MACF1: variants seen among roughly 807,000 people sequenced by gnomAD.
The protein encoded by MACF1 is microtubule actin crosslinking factor 1.
In MACF1, 193 loss-of-function variants were observed where a neutral mutation model predicts 854.8. The observed-to-expected ratio is 0.23, with a 90% confidence interval of 0.20 to 0.25. The LOEUF (loss-of-function observed/expected upper bound fraction) is 0.25. Among genes scored for constraint, MACF1 ranks in the 10% least tolerant of loss-of-function variants. The probability of loss-of-function intolerance (pLI) is 1.00; values close to 1 mark genes in which losing one functional copy is unlikely to be tolerated. For synonymous variants in MACF1, 3,185 were observed against 3,226.7 expected (o/e 0.99, Z 0.44); for missense variants, 7,722 against 8,929.1 (o/e 0.86, Z 5.45).
upstream of MACF1, among the ~76,000 whole-genome samples, chr1:39,203,912 A>G (rs1338736972): frequency 1.3e-5 from 2 of 152,144 alleles, no homozygotes; most frequent in Non-Finnish European, 2.9e-5. Flanking sequence ...ACATTCATAT[A>G]CAGGTCTTTG....
chr1:39,164,146 G>A (rs1167136643), intron 2 of MACF1, among the ~76,000 whole-genome samples: 2 of 152,034 alleles, frequency 1.3e-5, no homozygotes, highest in African/African-American at 2.4e-5. Flanking sequence ...CTCCAGTAGC[G>A]GGGCATGTAC....
chr1:39,202,596 C>T (rs1404594162), upstream of MACF1, among the ~76,000 whole-genome samples: 1 of 151,728 alleles, frequency 6.6e-6, no homozygotes, highest in African/African-American at 2.4e-5. Flanking sequence ...GATCATGCCA[C>T]TGCACTCCAG....
chr1:39,143,856 G>A (rs1365131912), intron 2 of MACF1, among the ~76,000 whole-genome samples: 2 of 151,204 alleles, frequency 1.3e-5, no homozygotes, highest in Non-Finnish European at 3.0e-5. Flanking sequence ...CTCACTGCAA[G>A]CTCCGCCTCC....
intron 58 of MACF1, among the ~76,000 whole-genome samples, chr1:39,399,636 C>T (rs1642402975): frequency 6.6e-6 from 1 of 152,114 alleles, no homozygotes; most frequent in African/African-American, 2.4e-5. Context: ...CTCGGCCTCC[C>T]AAAGTGCTGG....
At chr1:39,427,385 G>A (rs1643761411) in intron 61 of MACF1, 70 bp from the exon 62 acceptor site, 2 of 1,281,972 alleles carry the variant, frequency 1.6e-6, no homozygotes. Context: ...TTCTTTTACT[G>A]AGTATAGTAC....
At position 39,452,778 on chromosome 1, in the gene MACF1, C is replaced by T. The variant is rs892944460; in HGVS notation, c.20708C>T (p.Thr6903Ile). ...LRFRGALPDD[T>I]EALQSLIDTH... ...TTTCGGGGAGCACTTCCTGATGACACAGAGGCCCTGCAGTCTCTCATTGAC... is the reference window on the plus strand; with the variant it reads ...TTTCGGGGAGCACTTCCTGATGACATAGAGGCCCTGCAGTCTCTCATTGAC... The change falls in exon 87 of 101, where the codon ACA (threonine) becomes ATA (isoleucine). Residue 6903 changes from threonine to isoleucine, a missense_variant. By Grantham distance (89) the Thr-to-Ile change is moderately conservative. Coordinates refer to ENST00000564288, the MANE Select transcript of MACF1 (RefSeq NM_001394062.1). 6.2e-7 allele frequency: 1 copy of T among 1,614,168 alleles called. No individual in the cohort carries two copies. The highest frequency in any genetic ancestry group is 1.3e-5 in the African/African-American group (1 of 75,050).
intron 2 of MACF1, among the ~76,000 whole-genome samples, chr1:39,232,481 T>C (rs1472069285): frequency 1.3e-5 from 2 of 152,200 alleles, no homozygotes; most frequent in African/African-American, 4.8e-5. Context: ...TTTCTGCCTG[T>C]TTCACTGGCT....
At chr1:39,289,445 G>A (rs1016317525) in intron 15 of MACF1, among the ~76,000 whole-genome samples, 6 of 152,130 alleles carry the variant, frequency 3.9e-5, no homozygotes, top group African/African-American at 1.4e-4. Context: ...ACTGGGGTGA[G>A]ATGATATCAC....
At chr1:39,238,226 A>G (rs1644881372) in intron 2 of MACF1, among the ~76,000 whole-genome samples, 1 of 152,182 alleles carries the variant, frequency 6.6e-6, no homozygotes, top group Admixed American at 6.5e-5. Context: ...AAGATGAGAA[A>G]TGAAGGTAGC....
At chr1:39,392,476 G>A (rs1642071692) in intron 58 of MACF1, among the ~76,000 whole-genome samples, 1 of 152,148 alleles carries the variant, frequency 6.6e-6, no homozygotes, top group South Asian at 2.1e-4. Flanking sequence ...CAAAGATGAA[G>A]ATAAATATTT....
At chr1:39,377,289 G>A (rs1649804529) in intron 52 of MACF1, among the ~76,000 whole-genome samples, 2 of 152,200 alleles carry the variant, frequency 1.3e-5, no homozygotes, top group South Asian at 2.1e-4. Flanking sequence ...TAGGATTACA[G>A]GTGTGAGCCA....
chr1:39,348,036 A>G (rs1376760969), intron 41 of MACF1, among the ~76,000 whole-genome samples: 1 of 152,212 alleles, frequency 6.6e-6, no homozygotes, highest in Non-Finnish European at 1.5e-5. Flanking sequence ...TAGAATTGTC[A>G]TTATCACCAT....
At chr1:39,468,195 C>G (rs764613752) in intron 95 of MACF1, 3 of 158,500 alleles carry the variant, frequency 1.9e-5, no homozygotes, top group Non-Finnish European at 2.8e-5. Flanking sequence ...TCAAGACAGC[C>G]TGGCAAACAT....
At chr1:39,483,928 G>T (rs1557678546) in intron 99 of MACF1, among the ~76,000 whole-genome samples, 1 of 152,218 alleles carries the variant, frequency 6.6e-6, no homozygotes, top group Admixed American at 6.5e-5. Context: ...GAGGTGGGCA[G>T]ATCACAAGGT....
intron 2 of MACF1, among the ~76,000 whole-genome samples, chr1:39,168,624 C>T (rs988369815): frequency 6.6e-6 from 1 of 152,012 alleles, no homozygotes; most frequent in Non-Finnish European, 1.5e-5. Flanking sequence ...TGAGCCACTG[C>T]GCCTGGCTCA....
At chr1:39,444,351 T>G (rs1644181566) in intron 79 of MACF1, among the ~76,000 whole-genome samples, 1 of 152,082 alleles carries the variant, frequency 6.6e-6, no homozygotes, top group Non-Finnish European at 1.5e-5. Context: ...AAAAAAAGTT[T>G]TTCTTCTATG....
intron 61 of MACF1, among the ~76,000 whole-genome samples, chr1:39,425,193 C>T (rs1643684976): frequency 6.6e-6 from 1 of 152,130 alleles, no homozygotes; most frequent in Non-Finnish European, 1.5e-5. Context: ...CATCGATCAG[C>T]ATGCTAAATT....
intron 2 of MACF1, among the ~76,000 whole-genome samples, chr1:39,107,513 C>G (rs1642276379): frequency 6.6e-6 from 1 of 152,108 alleles, no homozygotes; most frequent in African/African-American, 2.4e-5. Context: ...CTCTTCTGAT[C>G]GGTGCAGAAC....
chr1:39,223,983 T>A (rs1166998119), intron 1 of MACF1, among the ~76,000 whole-genome samples: 1 of 152,122 alleles, frequency 6.6e-6, no homozygotes, highest in Non-Finnish European at 1.5e-5. Context: ...TTTAGACAAG[T>A]TGAGTTTGAG....
Sources: gnomAD v4.1 joint callset for allele counts (sites outside exome capture counted in the v4.1 genomes callset) on GRCh38, gnomAD v4.1.1 for gene constraint, MANE v1.5 for transcripts, NCBI Gene and HGNC (gene_info 2026-07-23, HGNC 2026-07-21) for gene names.